The following MALRD1 variants were observed in gnomAD, a reference collection of about 807,000 sequenced individuals.
MALRD1 encodes the protein MAM and LDL-receptor class A domain-containing protein 1.
In MALRD1, 247 loss-of-function variants were observed where a neutral mutation model predicts 242.1. The ratio of observed to expected loss-of-function variants is 1.02; its 90% CI spans 0.92 to 1.13. The LOEUF (loss-of-function observed/expected upper bound fraction) is 1.13, where lower values mean the gene tolerates loss of function less well. Ranked by LOEUF, MALRD1 falls within the 50% of genes most tolerant of loss-of-function variation. MALRD1 has a pLI of 0.00. For missense variants in MALRD1, 2,989 were observed against 2,533.1 expected (o/e 1.18, Z -3.86); for synonymous variants, 995 against 866.6 (o/e 1.15, Z -2.60).
rs747065284 is a variant in MALRD1, at chr10:19,692,022, A to T, written c.6138-260A>T. Among the ~76,000 whole-genome samples, 271 of 152,188 alleles carry T rather than the reference A, an allele frequency of 1.8e-3. 8 individuals carry two copies. The highest frequency in any genetic ancestry group is 5.0e-4 in the Non-Finnish European group (34 of 68,002). ...ATGAGTCAATTTTTAAAAACAAAGA[A>T]CGATGTGGAAACCATGTTTCTACCT... is the stretch of plus-strand genomic sequence containing the variant. On this transcript the variant is annotated intron_variant, in intron 36 of 39. Coordinates refer to ENST00000454679, the MANE Select transcript of MALRD1 (RefSeq NM_001142308.3).
chr10:19,607,235 G>C (rs150490819), intron 34 of MALRD1, among the ~76,000 whole-genome samples: 17 of 152,248 alleles, frequency 1.1e-4, no homozygotes, highest in African/African-American at 3.6e-4. Flanking sequence ...ACAGGCTGCC[G>C]TAAGAAAATA....
chr10:19,331,233 C>T, intron 23 of MALRD1, 136 bp from the exon 24 acceptor site: 3 of 734,104 alleles, frequency 4.1e-6, no homozygotes, highest in Non-Finnish European at 6.6e-6. Flanking sequence ...AACATAGGGA[C>T]ATAAAAAACA....
chr10:19,673,314 G>A (rs1842004699), intron 36 of MALRD1, among the ~76,000 whole-genome samples: 1 of 152,164 alleles, frequency 6.6e-6, no homozygotes, highest in Non-Finnish European at 1.5e-5. Flanking sequence ...GTAAACCCGG[G>A]AGGTAGAGCT....
At chr10:19,051,480 TA>T in intron 1 of MALRD1, 2 of 188,758 alleles carry the variant, frequency 1.1e-5, no homozygotes, top group Non-Finnish European at 2.3e-5. Flanking sequence ...GGCTTGGGAG[TA>T]AAAGTCCCTC....
chr10:19,197,329 ATTT>A (rs1221458161), intron 14 of MALRD1, among the ~76,000 whole-genome samples: 4 of 148,174 alleles, frequency 2.7e-5, no homozygotes, highest in African/African-American at 1.0e-4. Context: ...TCTTGTCTGG[ATTT>A]TTGCAGTATT....
In MALRD1 at chr10:19,324,205, G is replaced by T. The variant is rs74121485; in HGVS notation, c.3576+100G>T. On this transcript the variant is annotated intron_variant, in intron 22 of 39. Transcript: ENST00000454679. ...TATATTCTGTTAATAAGTGAAAATGGACAATTACCAACACTTCACTAGATT... is the reference window on the plus strand; with the variant it reads ...TATATTCTGTTAATAAGTGAAAATGTACAATTACCAACACTTCACTAGATT... 2.1e-3 allele frequency: 2,475 copies of T among 1,180,582 alleles called. 31 individuals are homozygous for T. The African/African-American group carries it at 0.033, about 16-fold the overall frequency. The allele number at this position is 1,180,582 out of a possible 1,614,324, so 73.1% of individuals were successfully genotyped here. A position where few individuals can be genotyped will look rare whatever the true frequency, so the allele number is the denominator to read the frequency against.
At chr10:19,250,377 AT>A (rs1431724278) in intron 18 of MALRD1, among the ~76,000 whole-genome samples, 3 of 151,932 alleles carry the variant, frequency 2.0e-5, no homozygotes, top group Non-Finnish European at 2.9e-5. Flanking sequence ...AATTTTTAGG[AT>A]TTGGAAAAAC....
Position 19,280,062 on chromosome 10 carries a change from A to C in MALRD1, c.3095A>C (p.Asp1032Ala), listed in dbSNP as rs1840730943. The change falls in exon 20 of 40, where the codon GAC (aspartate) becomes GCC (alanine). Residue 1032 changes from aspartate (D) to alanine (A), a missense_variant. Coordinates refer to ENST00000454679, the MANE Select transcript of MALRD1 (RefSeq NM_001142308.3). Reference protein sequence around the residue: ...CTLYPGNLPADLPTPPETSVP... With the variant: ...CTLYPGNLPAALPTPPETSVP... ...TCTTATCAAGGTAATTTGCCAGCAG[A>C]CCTCCCAACTCCACCAGAAACGTCA... 8 of 1,506,868 alleles carry C rather than the reference A, an allele frequency of 5.3e-6. No individual in the cohort carries two copies. Among genetic ancestry groups the C allele is most frequent in the Non-Finnish European group, 7.1e-6 (8 of 1,131,364 alleles). 93.3% of individuals were successfully genotyped at this position (1,506,868 alleles called of 1,614,324 possible). A position where few individuals can be genotyped will look rare whatever the true frequency, so the allele number is the denominator to read the frequency against.
intron 31 of MALRD1, among the ~76,000 whole-genome samples, chr10:19,520,980 A>C (rs1833855511): frequency 6.6e-6 from 1 of 152,178 alleles, no homozygotes; most frequent in Non-Finnish European, 1.5e-5. Context: ...AGAATACTTA[A>C]CAAATGTTTC....
chr10:19,345,446 A>G (rs1366656607), intron 24 of MALRD1, among the ~76,000 whole-genome samples: 1 of 152,100 alleles, frequency 6.6e-6, no homozygotes, highest in Non-Finnish European at 1.5e-5. Flanking sequence ...CTAGATGCTG[A>G]GTTGGGGTTC....
intron 27 of MALRD1, 133 bp from the exon 28 acceptor site, chr10:19,389,319 T>C (rs1846232869): frequency 1.0e-6 from 1 of 988,496 alleles, no homozygotes; most frequent in African/African-American, 1.6e-5. Context: ...ATTTTCTTTC[T>C]GTTCCAAATG....
intron 23 of MALRD1, among the ~76,000 whole-genome samples, chr10:19,329,063 T>A (rs1843252468): frequency 6.6e-6 from 1 of 152,228 alleles, no homozygotes; most frequent in African/African-American, 2.4e-5. Flanking sequence ...ATTATTAATT[T>A]AGCCATTCTG....
intron 26 of MALRD1, among the ~76,000 whole-genome samples, chr10:19,376,788 A>G (rs1382668879): frequency 6.6e-6 from 1 of 151,942 alleles, no homozygotes; most frequent in Admixed American, 6.6e-5. Flanking sequence ...TCTGTTGGTC[A>G]GGCTGGTCTC....
intron 25 of MALRD1, among the ~76,000 whole-genome samples, chr10:19,350,818 C>G (rs889722625): frequency 1.3e-5 from 2 of 152,134 alleles, no homozygotes; most frequent in African/African-American, 4.8e-5. Context: ...GCAAGGGGTC[C>G]TTGCAGAAGT....
At chr10:19,225,695 C>T (rs1483382527) in intron 18 of MALRD1, among the ~76,000 whole-genome samples, 1 of 152,080 alleles carries the variant, frequency 6.6e-6, no homozygotes, top group Non-Finnish European at 1.5e-5. Context: ...AAGTATAAGC[C>T]CTTCTAAAGC....
intron 32 of MALRD1, among the ~76,000 whole-genome samples, chr10:19,536,281 C>G (rs1834669202): frequency 1.3e-5 from 2 of 152,118 alleles, no homozygotes; most frequent in South Asian, 2.1e-4. Flanking sequence ...GACTCAGCTT[C>G]CCGCAATTAG....
At chr10:19,111,304 A>G (rs1295399475) in intron 5 of MALRD1, among the ~76,000 whole-genome samples, 2 of 152,190 alleles carry the variant, frequency 1.3e-5, no homozygotes, top group African/African-American at 4.8e-5. Flanking sequence ...AAACATGAGC[A>G]TTTTCAATTT....
rs1564488743 is a variant in MALRD1 at position 19,235,573 on chromosome 10, ACC to A, written c.2992-22109_2992-22108del. On this transcript the variant is annotated intron_variant, in intron 18 of 39. Coordinates refer to ENST00000454679, the MANE Select transcript of MALRD1 (RefSeq NM_001142308.3). ...TCAGGACACACACACCCACACCCACACCCACAGAGAGAGAGAGAGAGAGAGAG... is the reference window on the plus strand; with the variant it reads ...TCAGGACACACACACCCACACCCACACACAGAGAGAGAGAGAGAGAGAGAG... Among the ~76,000 whole-genome samples, 24 of 122,934 alleles carry A rather than the reference ACC, an allele frequency of 2.0e-4. No homozygotes were observed. In the East Asian group the frequency reaches 5.6e-3, roughly 29 times the overall value. 80.6% of individuals were successfully genotyped at this position (122,934 alleles called of 152,430 possible).
chr10:19,733,272 C>T (rs1165159357), intron 39 of MALRD1, among the ~76,000 whole-genome samples: 1 of 152,160 alleles, frequency 6.6e-6, no homozygotes, highest in Non-Finnish European at 1.5e-5. Context: ...GGACTGTCAA[C>T]CCATGGTCAT....
Sources: gnomAD v4.1 joint callset for allele counts (sites outside exome capture counted in the v4.1 genomes callset) on GRCh38, gnomAD v4.1.1 for gene constraint, MANE v1.5 for transcripts, NCBI Gene and HGNC (gene_info 2026-07-23, HGNC 2026-07-21) for gene names.